The following RUNX1 variants were observed in gnomAD, a reference collection of about 807,000 sequenced individuals.
RUNX1 encodes RUNX family transcription factor 1.
In RUNX1, 19 loss-of-function variants were observed where a neutral mutation model predicts 42.8. The ratio of observed to expected loss-of-function variants is 0.44; its 90% CI spans 0.31 to 0.65. The LOEUF (loss-of-function observed/expected upper bound fraction) is 0.65. Ranked by LOEUF, RUNX1 falls within the 30% of genes least tolerant of loss-of-function variation. The pLI, the probability that RUNX1 is intolerant of heterozygous loss-of-function variation, is 0.07. For synonymous variants in RUNX1, 271 were observed against 289.4 expected (o/e 0.94, Z 0.64); for missense variants, 528 against 672.0 (o/e 0.79, Z 2.37).
chr21:35,039,264 C>T (rs1003645542), intron 2 of RUNX1, among the ~76,000 whole-genome samples: 1 of 152,088 alleles, frequency 6.6e-6, no homozygotes, highest in Non-Finnish European at 1.5e-5. Context: ...GTCTGCAAAA[C>T]TGTGGGTGAC....
At chr21:34,890,561 T>G (rs1396181084) in intron 3 of RUNX1, among the ~76,000 whole-genome samples, 1 of 151,974 alleles carries the variant, frequency 6.6e-6, no homozygotes. Flanking sequence ...TCCGGGGGGC[T>G]AAGGCGGGCG....
chr21:34,936,278 T>TA (rs948272145), intron 2 of RUNX1, among the ~76,000 whole-genome samples: 19 of 151,598 alleles, frequency 1.3e-4, no homozygotes, highest in East Asian at 9.6e-4. Context: ...CCCTCTTTTT[T>TA]AAAAAAAAAT....
chr21:34,981,052 T>G (rs371633528), intron 2 of RUNX1, among the ~76,000 whole-genome samples: 15 of 152,190 alleles, frequency 9.9e-5, no homozygotes, highest in Admixed American at 3.3e-4. Context: ...CAGCTATGGA[T>G]GGTTGACTTA....
chr21:35,000,302 G>A (rs1048708920), intron 2 of RUNX1, among the ~76,000 whole-genome samples: 7 of 145,138 alleles, frequency 4.8e-5, no homozygotes, highest in African/African-American at 1.0e-4. Flanking sequence ...ATGCAGTGGC[G>A]CAATCTCGGC....
chr21:35,046,870 T>A (rs569077963), intron 2 of RUNX1, among the ~76,000 whole-genome samples: 1 of 152,008 alleles, frequency 6.6e-6, no homozygotes, highest in East Asian at 1.9e-4. Context: ...CCCTTTTGAG[T>A]CTTGGTGCGA....
rs1219097001 is a variant in RUNX1 at position 34,910,093 on chromosome 21, TC to T, written c.59-17131del. ...CAAATCAAGATTTGCATAAATTGGC[TC>T]TGAAGTCAGCTTCTACAAACCAGCT... is the stretch of plus-strand genomic sequence containing the variant. On this transcript the variant is annotated intron_variant, in intron 2 of 8. Transcript: ENST00000675419. Among the ~76,000 whole-genome samples, 10 of 152,344 alleles carry T rather than the reference TC, an allele frequency of 6.6e-5. No homozygotes were observed. The East Asian group carries it at 1.9e-3, about 29-fold the overall frequency.
At chr21:34,928,371 T>C (rs1213259680) in intron 2 of RUNX1, among the ~76,000 whole-genome samples, 3 of 152,116 alleles carry the variant, frequency 2.0e-5, no homozygotes, top group African/African-American at 7.2e-5. Flanking sequence ...TGCCATAGAT[T>C]CTTTATCTTG....
intron 2 of RUNX1, among the ~76,000 whole-genome samples, chr21:35,000,034 G>A (rs1278989411): frequency 6.6e-6 from 1 of 152,090 alleles, no homozygotes; most frequent in Non-Finnish European, 1.5e-5. Flanking sequence ...ACAGTTATTT[G>A]ATTGCAATCC....
At chr21:34,931,363 T>C (rs575369455) in intron 2 of RUNX1, among the ~76,000 whole-genome samples, 3 of 146,810 alleles carry the variant, frequency 2.0e-5, no homozygotes, top group Non-Finnish European at 3.0e-5. Flanking sequence ...TGTGTATATA[T>C]ATGTGTATAT....
chr21:35,011,217 G>C (rs1299184339), intron 2 of RUNX1, among the ~76,000 whole-genome samples: 2 of 152,090 alleles, frequency 1.3e-5, no homozygotes, highest in Admixed American at 1.3e-4. Context: ...AGTATTCTTG[G>C]GACAAACAGG....
chr21:34,976,961 C>A (rs2058806687), intron 2 of RUNX1, among the ~76,000 whole-genome samples: 2 of 152,112 alleles, frequency 1.3e-5, no homozygotes, highest in Non-Finnish European at 2.9e-5. Flanking sequence ...CTCTTGCTAT[C>A]CAAATTACCT....
rs142472642 is a variant in RUNX1, at chr21:34,886,891, C to T, written c.303G>A (p.Val101=). 2 of 1,613,678 alleles carry T rather than the reference C, an allele frequency of 1.2e-6. No individual in the cohort carries two copies. The highest frequency in any genetic ancestry group is 1.7e-6 in the Non-Finnish European group (2 of 1,179,772). The change falls in exon 4 of 9, where the codon GTG becomes GTA. Residue 101 remains valine (V), a synonymous_variant. Transcript: ENST00000675419. ...TGTTGCAGCGCCAGTGCGTAGGCAG[C>T]ACGGAGCAGAGGAAGTTGGGGCTGT... The part of the protein sequence containing the change: ...RTDSPNFLCS[V]LPTHWRCNKT...
chr21:34,872,264 A>AG (rs1230833881), intron 5 of RUNX1, among the ~76,000 whole-genome samples: 3 of 152,192 alleles, frequency 2.0e-5, no homozygotes, highest in Admixed American at 2.0e-4. Flanking sequence ...CCTCTGGCAG[A>AG]GGGCTTCCTA....
At chr21:34,940,169 G>C (rs192365869) in intron 2 of RUNX1, among the ~76,000 whole-genome samples, 6 of 152,264 alleles carry the variant, frequency 3.9e-5, no homozygotes, top group Non-Finnish European at 8.8e-5. Flanking sequence ...AAAAATGCCA[G>C]AAAGTGGCTA....
chr21:35,009,934 T>C (rs1249977701), intron 2 of RUNX1, among the ~76,000 whole-genome samples: 1 of 152,190 alleles, frequency 6.6e-6, no homozygotes, highest in Non-Finnish European at 1.5e-5. Context: ...TTGCAAGCAT[T>C]AAGGTCCTAT....
chr21:35,007,982 G>A (rs758841412), intron 2 of RUNX1, among the ~76,000 whole-genome samples: 8 of 151,816 alleles, frequency 5.3e-5, no homozygotes, highest in Non-Finnish European at 1.2e-4. Flanking sequence ...TATTTCCATT[G>A]CCTCCTCCCA....
intron 8 of RUNX1, 147 bp downstream of exon 8, chr21:34,799,153 TG>T: frequency 2.4e-6 from 2 of 828,112 alleles, no homozygotes; most frequent in Admixed American, 4.0e-5. Flanking sequence ...AGAAAATCAG[TG>T]CATGGGCATG....
At chr21:34,980,752 T>C (rs2058840723) in intron 2 of RUNX1, among the ~76,000 whole-genome samples, 2 of 152,240 alleles carry the variant, frequency 1.3e-5, no homozygotes, top group African/African-American at 4.8e-5. Flanking sequence ...AACAGCCGTT[T>C]CCAAAGATTT....
intron 2 of RUNX1, among the ~76,000 whole-genome samples, chr21:34,947,821 T>C (rs1164547709): frequency 6.6e-6 from 1 of 152,226 alleles, no homozygotes; most frequent in African/African-American, 2.4e-5. Context: ...GCCAAAGTGT[T>C]TCCTCTGAGG....
Sources: gnomAD v4.1 joint callset for allele counts (sites outside exome capture counted in the v4.1 genomes callset) on GRCh38, gnomAD v4.1.1 for gene constraint, MANE v1.5 for transcripts, NCBI Gene and HGNC (gene_info 2026-07-23, HGNC 2026-07-21) for gene names.